Variants in SLC4A1 observed in about 807,000 individuals in gnomAD.
SLC4A1 encodes the protein solute carrier family 4 member 1 (Diego blood group).
Under a neutral mutation model 93.1 loss-of-function variants are expected in SLC4A1, and 29 were observed. That is an observed-to-expected ratio of 0.31 (90% CI 0.23 to 0.42). SLC4A1 has a LOEUF of 0.42. SLC4A1 is among the 20% of genes least tolerant of loss of function. The probability of loss-of-function intolerance (pLI) is 1.00; values close to 1 mark genes in which losing one functional copy is unlikely to be tolerated. For missense variants in SLC4A1, 965 were observed against 1,190.1 expected (o/e 0.81, Z 2.78); for synonymous variants, 469 against 497.2 (o/e 0.94, Z 0.76).
At position 44,262,027 on chromosome 17, in the gene SLC4A1, C is replaced by T. The variant is rs974013435; in HGVS notation, c.107-391G>A. ...ACCAGACTCCCTTCTCTCCTCCCAC[C>T]TGCCTCAATGAGCCCGTCAGCACAG... On this transcript the variant is annotated intron_variant, in intron 3 of 19. Transcript: ENST00000262418. 6 of 1,185,408 alleles carry T rather than the reference C, an allele frequency of 5.1e-6. No homozygotes were observed. The African/African-American group carries it at 9.5e-5, about 19-fold the overall frequency. The allele number at this position is 1,185,408 out of a possible 1,614,324, so 73.4% of individuals were successfully genotyped here. A position where few individuals can be genotyped will look rare whatever the true frequency, so the allele number is the denominator to read the frequency against.
At chr17:44,252,584 C>T (rs2144599981) in intron 17 of SLC4A1, among the ~76,000 whole-genome samples, 1 of 152,294 alleles carries the variant, frequency 6.6e-6, no homozygotes, top group African/African-American at 2.4e-5. Context: ...GCAACCATGG[C>T]ACTGCCCACA....
chr17:44,250,606 C>A, intron 19 of SLC4A1, 68 bp from the exon 20 acceptor site: 1 of 1,219,996 alleles, frequency 8.2e-7, no homozygotes, highest in Non-Finnish European at 1.2e-6. Context: ...TCCCCGGGCA[C>A]GAAAGGCACC....
intron 1 of SLC4A1, among the ~76,000 whole-genome samples, chr17:44,266,237 T>A (rs138190163): frequency 3.3e-5 from 5 of 152,250 alleles, no homozygotes; most frequent in Non-Finnish European, 5.9e-5. Context: ...CTCTCTCTTT[T>A]TCCTCCTCCC....
Position 44,258,515 on chromosome 17 carries a change from C to A in SLC4A1, c.985G>T (p.Glu329Ter). Residue 329 changes from glutamate to a stop codon, truncating the protein, a stop_gained, in exon 10 of 20, where the codon GAG becomes TAG. Transcript: ENST00000262418. LOFTEE classifies it high-confidence loss of function. This position sits in a 1 kb window ranked among gnomAD's most constrained non-coding sequence, Gnocchi z 6.1. ...GGCACCAGACTGAGCAGTGCCTGCT[C>A]GGAGGGGGCATCGGTGGGAGGCAGC... ...LVLPPTDAPS[E>*]QALLSLVPVQ... The A allele has an allele frequency of 6.2e-7, 1 of 1,613,960 alleles. No individual in the cohort carries two copies. The highest frequency in any genetic ancestry group is 8.5e-7 in the Non-Finnish European group (1 of 1,179,984).
At chr17:44,261,385 G>A (rs1458832782) in intron 4 of SLC4A1, among the ~76,000 whole-genome samples, 190 bp downstream of exon 4, 1 of 152,194 alleles carries the variant, frequency 6.6e-6, no homozygotes, top group East Asian at 1.9e-4. Flanking sequence ...GGTGCTCCTG[G>A]AAAGGGGCCC....
chr17:44,262,064 G>A, intron 3 of SLC4A1: 10 of 1,122,860 alleles, frequency 8.9e-6, no homozygotes, highest in Non-Finnish European at 1.1e-5. Context: ...GTCTCACTGA[G>A]CTGAGGCACC....
Position 44,259,360 on chromosome 17 carries a change from A to G in SLC4A1, c.695-16T>C, listed in dbSNP as rs1346160463. 6.2e-7 allele frequency: 1 copy of G among 1,613,224 alleles called. No homozygotes were observed. The highest frequency in any genetic ancestry group is 1.3e-5 in the African/African-American group (1 of 75,030). On this transcript the variant is annotated splice_polypyrimidine_tract_variant and intron_variant, in intron 8 of 19. Transcript: ENST00000262418. ...TCGGCGCGGCCTGTTAGGGGATGAG[A>G]AGATCAGGCCAGGCCGAGGAGCCCA...
Position 44,249,193 on chromosome 17 carries a change from T to C in SLC4A1, c.*1265A>G, listed in dbSNP as rs1392815891. The C allele has an allele frequency of 2.2e-6, 1 of 455,224 alleles. No individual in the cohort carries two copies. Among genetic ancestry groups the C allele is most frequent in the Admixed American group, 2.4e-5 (1 of 42,362 alleles). 28.2% of individuals were successfully genotyped at this position (455,224 alleles called of 1,614,324 possible). A position where few individuals can be genotyped will look rare whatever the true frequency, so the allele number is the denominator to read the frequency against. ...TCTCTTTTCTACCACTTCCTGATTC[T>C]GTTTCCTCCATCTCTCACCACTTTC... On this transcript the variant is annotated 3_prime_UTR_variant, in exon 20 of 20. Coordinates refer to ENST00000262418, the MANE Select transcript of SLC4A1 (RefSeq NM_000342.4).
intron 3 of SLC4A1, chr17:44,261,909 A>T: frequency 9.5e-7 from 1 of 1,052,346 alleles, no homozygotes; most frequent in South Asian, 1.6e-5. Flanking sequence ...CGCAGTGATG[A>T]AGTGAAGGGA....
intron 1 of SLC4A1, among the ~76,000 whole-genome samples, chr17:44,265,318 G>A (rs930179083): frequency 3.3e-5 from 5 of 152,076 alleles, no homozygotes; most frequent in African/African-American, 9.7e-5. Context: ...TGCAGCACTC[G>A]GGGGTGGAGT....
chr17:44,256,403 G>A (rs1165598875), intron 13 of SLC4A1, among the ~76,000 whole-genome samples: 3 of 152,188 alleles, frequency 2.0e-5, no homozygotes, highest in Admixed American at 6.5e-5. Flanking sequence ...CAAGGGTCAG[G>A]GAAGTTTCTA....
intron 1 of SLC4A1, among the ~76,000 whole-genome samples, chr17:44,263,712 T>TC (rs772514268): frequency 1.9e-4 from 1 of 5,360 alleles, no homozygotes; most frequent in African/African-American, 3.0e-4. Flanking sequence ...CTTCCCTCCT[T>TC]CCTTCCTTCC....
At chr17:44,262,045 C>T in intron 3 of SLC4A1, 2 of 1,174,524 alleles carry the variant, frequency 1.7e-6, no homozygotes, top group Non-Finnish European at 2.1e-6. Flanking sequence ...ATGAGCCCGT[C>T]AGCACAGTGT....
rs1199117407 is a variant in SLC4A1, at chr17:44,249,449, C to T, written c.*1009G>A. The T allele has an allele frequency of 2.6e-5, 7 of 273,092 alleles. No homozygotes were observed. Among genetic ancestry groups the T allele is most frequent in the Non-Finnish European group, 4.3e-5 (6 of 139,914 alleles). The allele number at this position is 273,092 out of a possible 1,614,324, so 16.9% of individuals were successfully genotyped here. ...ACGCAATTAATAAATTACAAACCCC[C>T]TCACTCTCCCGCCCCTACCTTCCCA... On this transcript the variant is annotated 3_prime_UTR_variant, in exon 20 of 20. Coordinates refer to ENST00000262418, the MANE Select transcript of SLC4A1 (RefSeq NM_000342.4).
At chr17:44,251,643 G>A (rs2047341092) in intron 17 of SLC4A1, 55 bp from the exon 18 acceptor site, 2 of 1,561,078 alleles carry the variant, frequency 1.3e-6, no homozygotes, top group East Asian at 2.2e-5. Flanking sequence ...GGCACCAGTG[G>A]GGGGTCAGGC....
At position 44,250,394 on chromosome 17, in the gene SLC4A1, TG is replaced by T; in HGVS notation, c.*63del. 7.3e-7 allele frequency: 1 copy of T among 1,371,522 alleles called. No homozygotes were observed. The highest frequency in any genetic ancestry group is 1.2e-5 in the South Asian group (1 of 85,842). The allele number at this position is 1,371,522 out of a possible 1,614,324, so 85.0% of individuals were successfully genotyped here. ...AGTCCATGAGGTGCCCATGAACTTC[TG>T]CTTTTCCTTGGAAGGTGGGGATGTG... On this transcript the variant is annotated 3_prime_UTR_variant, in exon 20 of 20. Coordinates refer to ENST00000262418, the MANE Select transcript of SLC4A1 (RefSeq NM_000342.4).
At position 44,261,574 on chromosome 17, in the gene SLC4A1, C is replaced by T; in HGVS notation, c.168+1G>A. The T allele has an allele frequency of 6.2e-7, 1 of 1,614,176 alleles. No individual in the cohort carries two copies. Among genetic ancestry groups the T allele is most frequent in the Non-Finnish European group, 8.5e-7 (1 of 1,180,016 alleles). ...AGAACGGAGGAGGCTGGGGTCCTCA[C>T]CTTGTGGGTACCCGGGTGTGATGTG... On this transcript the variant is annotated splice_donor_variant, in intron 4 of 19. Transcript: ENST00000262418. LOFTEE classifies it high-confidence loss of function.
chr17:44,252,973 G>A (rs2047355726), intron 17 of SLC4A1, 145 bp downstream of exon 17: 1 of 911,694 alleles, frequency 1.1e-6, no homozygotes, highest in Non-Finnish European at 1.7e-6. Context: ...CCTCGTGTGA[G>A]TAGGGGATGC....
chr17:44,261,507 T>C lies in SLC4A1; in HGVS notation c.168+68A>G, dbSNP rs551411215. The C allele has an allele frequency of 4.2e-5, 67 of 1,613,720 alleles. 1 individual carries two copies. In the South Asian group the frequency reaches 6.4e-4, roughly 15 times the overall value. On this transcript the variant is annotated intron_variant, in intron 4 of 19. Transcript: ENST00000262418. ...AGCTGCCTCTATCCCCTTGCTCCTC[T>C]CTTCCCTGATCAAATGGTGGGTCCC...
Sources: gnomAD v4.1 joint callset for allele counts (sites outside exome capture counted in the v4.1 genomes callset) on GRCh38, gnomAD v4.1.1 for gene constraint, Gnocchi (gnomAD v3.1) non-coding constraint, MANE v1.5 for transcripts, NCBI Gene and HGNC (gene_info 2026-07-23, HGNC 2026-07-21) for gene names.